BIRC6: variants seen among roughly 807,000 people sequenced by gnomAD.
BIRC6 encodes the protein baculoviral IAP repeat containing 6.
In BIRC6, 98 loss-of-function variants were observed where a neutral mutation model predicts 503.3. The observed-to-expected ratio is 0.19, with a 90% CI of 0.17 to 0.23. The LOEUF (loss-of-function observed/expected upper bound fraction) is 0.23. Among genes scored for constraint, BIRC6 ranks in the 10% least tolerant of loss-of-function variants. BIRC6 has a pLI of 1.00. For missense variants in BIRC6, 5,360 were observed against 5,806.0 expected (o/e 0.92, Z 2.50); for synonymous variants, 2,240 against 2,078.7 (o/e 1.08, Z -2.11).
chr2:32,603,910 T>G (rs1012345102), intron 71 of BIRC6, among the ~76,000 whole-genome samples: 11 of 151,602 alleles, frequency 7.3e-5, no homozygotes, highest in Admixed American at 5.9e-4. Flanking sequence ...TGTATGTTTT[T>G]ATGTTAATTA....
chr2:32,459,134 A>G (rs1295597063), intron 23 of BIRC6, among the ~76,000 whole-genome samples: 1 of 152,188 alleles, frequency 6.6e-6, no homozygotes, highest in African/African-American at 2.4e-5. Context: ...TATCACCACT[A>G]TCTAATTCTA....
At chr2:32,381,980 A>C (rs1413269602) in intron 3 of BIRC6, among the ~76,000 whole-genome samples, 1 of 152,056 alleles carries the variant, frequency 6.6e-6, no homozygotes, top group Non-Finnish European at 1.5e-5. Flanking sequence ...TACTCTATTG[A>C]TGGGGCATTT....
At chr2:32,509,349 A>C (rs1252863489) in intron 51 of BIRC6, among the ~76,000 whole-genome samples, 2 of 152,030 alleles carry the variant, frequency 1.3e-5, no homozygotes, top group Non-Finnish European at 2.9e-5. Context: ...CTGCCTCCCG[A>C]GTTCAAATGA....
intron 61 of BIRC6, among the ~76,000 whole-genome samples, chr2:32,538,697 G>A (rs777377875): frequency 1.2e-4 from 19 of 152,178 alleles, no homozygotes; most frequent in Non-Finnish European, 2.1e-4. Context: ...TTGGGAGGCC[G>A]AGGCAGGCAG....
Position 32,388,931 on chromosome 2 carries a change from G to T in BIRC6, c.827G>T (p.Arg276Leu). Reference protein sequence around the residue: ...ARPELGVGPGRSVDRSLMYSE... With the variant: ...ARPELGVGPGLSVDRSLMYSE... ...CCAGAACTCGGAGTGGGGCCAGGCC[G>T]TTCTGTAGACAGGTATGAACCTTGC... The change falls in exon 4 of 74, where the codon CGT (arginine) becomes CTT (leucine). Residue 276 changes from arginine to leucine, a missense_variant. Physicochemically the swap from Arg to Leu is moderately radical, Grantham distance 102. Transcript: ENST00000421745. 2.5e-6 allele frequency: 4 copies of T among 1,587,374 alleles called. No individual in the cohort carries two copies. Among genetic ancestry groups the T allele is most frequent in the Non-Finnish European group, 3.4e-6 (4 of 1,167,476 alleles).
At position 32,406,521 on chromosome 2, in the gene BIRC6, G is replaced by C. The variant is rs780370959; in HGVS notation, c.1441G>C (p.Asp481His). ...GDSDDLLEDS[D>H]SEEHSRSDSV... ...AAGTGATGATTTACTGGAGGATTCA[G>C]ACAGTGAAGAGCATTCCAGATCAGA... The change falls in exon 9 of 74, where the codon GAC becomes CAC. Residue 481 changes from aspartate to histidine, a missense_variant. Physicochemically the swap from Asp to His is moderately conservative, Grantham distance 81 (BLOSUM62 -1). Around this residue, in one of 16 missense-constraint regions of BIRC6, gnomAD observed 700 missense variants for 739.3 expected, o/e 0.95. Coordinates refer to ENST00000421745, the MANE Select transcript of BIRC6 (RefSeq NM_016252.4). 5.0e-6 allele frequency: 8 copies of C among 1,610,480 alleles called. No individual in the cohort carries two copies. The highest frequency in any genetic ancestry group is 5.9e-6 in the Non-Finnish European group (7 of 1,177,736).
At position 32,414,776 on chromosome 2, in the gene BIRC6, A is replaced by C. The variant is rs747909649; in HGVS notation, c.1485A>C (p.Thr495=). Reference sequence around the variant, plus strand: ...TATTGTTCCTTTTTAAAGGGCATACATCACAGAAGGAAGCCATGGAAGTAA... The same window carrying C: ...TATTGTTCCTTTTTAAAGGGCATACCTCACAGAAGGAAGCCATGGAAGTAA... ...HSRSDSVTGH[T]SQKEAMEVSL... is the part of the protein sequence containing the mutation. Residue 495 remains threonine (T), a synonymous_variant, in exon 10 of 74, where the codon ACA becomes ACC. Transcript: ENST00000421745. The C allele has an allele frequency of 2.5e-6, 4 of 1,611,208 alleles. No homozygotes were observed. In the African/African-American group the frequency reaches 4.0e-5, roughly 16 times the overall value.
chr2:32,430,747 T>A (rs1471397459), intron 11 of BIRC6, 118 bp from the exon 12 acceptor site: 4 of 699,744 alleles, frequency 5.7e-6, no homozygotes, highest in Non-Finnish European at 9.4e-6. Context: ...TTCAGAATAT[T>A]TGGCAAGTGT....
chr2:32,479,415 C>T (rs545811524), intron 36 of BIRC6, 47 bp from the exon 37 acceptor site: 29 of 1,520,674 alleles, frequency 1.9e-5, no homozygotes, highest in Middle Eastern at 3.4e-4. Context: ...AATACATTTT[C>T]GAAATCTGTA....
chr2:32,483,456 G>A lies in BIRC6; in HGVS notation c.7696+874G>A, dbSNP rs2050644465. 2.0e-5 allele frequency among the ~76,000 whole-genome samples: 3 copies of A among 152,052 alleles called. 1 individual carries two copies. In the South Asian group the frequency reaches 6.2e-4, roughly 31 times the overall value. On this transcript the variant is annotated intron_variant, in intron 39 of 73. Coordinates refer to ENST00000421745, the MANE Select transcript of BIRC6 (RefSeq NM_016252.4). ...TGTTTTGTTTTGTTTTACAAATCAG[G>A]ACATTCTTCCATATATACATATCAA...
chr2:32,611,778 C>G (rs1479970444), intron 73 of BIRC6, among the ~76,000 whole-genome samples, 196 bp downstream of exon 73: 3 of 152,084 alleles, frequency 2.0e-5, no homozygotes, highest in Non-Finnish European at 4.4e-5. Flanking sequence ...TTGACAGTTC[C>G]TAAAATAAAA....
chr2:32,510,438 T>A, intron 52 of BIRC6, 88 bp from the exon 53 acceptor site: 2 of 796,228 alleles, frequency 2.5e-6, no homozygotes, highest in South Asian at 1.6e-5. Context: ...GCCTCATTTT[T>A]AATGAATAAC....
intron 66 of BIRC6, 133 bp from the exon 67 acceptor site, chr2:32,593,782 A>C (rs927407539): frequency 1.9e-5 from 14 of 746,356 alleles, no homozygotes; most frequent in Non-Finnish European, 2.7e-5. Flanking sequence ...CAGTGGCTTC[A>C]AAAGCAAGTT....
chr2:32,562,436 T>C (rs1168938258), intron 65 of BIRC6, among the ~76,000 whole-genome samples: 1 of 152,248 alleles, frequency 6.6e-6, no homozygotes, highest in Non-Finnish European at 1.5e-5. Context: ...GATGAACTAA[T>C]AGTGGTATGT....
chr2:32,401,929 T>G (rs1188899629), intron 8 of BIRC6, among the ~76,000 whole-genome samples: 1 of 152,176 alleles, frequency 6.6e-6, no homozygotes, highest in Admixed American at 6.5e-5. Flanking sequence ...GAAATGAAAT[T>G]CTATTGTAGT....
chr2:32,363,557 T>C (rs2034437335), intron 1 of BIRC6, among the ~76,000 whole-genome samples: 1 of 152,192 alleles, frequency 6.6e-6, no homozygotes, highest in African/African-American at 2.4e-5. Flanking sequence ...TCTTACTTCC[T>C]GAAATAATGC....
chr2:32,576,862 GATGAA>G (rs2060302896), intron 66 of BIRC6, among the ~76,000 whole-genome samples: 1 of 152,174 alleles, frequency 6.6e-6, no homozygotes, highest in African/African-American at 2.4e-5. Flanking sequence ...TTATAGAAAA[GATGAA>G]ATGAAGAGCC....
chr2:32,561,692 T>C (rs549181358), intron 65 of BIRC6, among the ~76,000 whole-genome samples: 22 of 150,652 alleles, frequency 1.5e-4, no homozygotes, highest in African/African-American at 5.1e-4. Flanking sequence ...TTATCTTTTA[T>C]GTTTATATGA....
intron 66 of BIRC6, among the ~76,000 whole-genome samples, chr2:32,593,076 T>C (rs1202567935): frequency 6.6e-6 from 1 of 152,250 alleles, no homozygotes; most frequent in Non-Finnish European, 1.5e-5. Context: ...TTAAACACTT[T>C]TATTTATATA....
Sources: allele counts gnomAD v4.1 joint callset (sites outside exome capture counted in the v4.1 genomes callset), GRCh38; gene constraint gnomAD v4.1.1; regional missense constraint gnomAD v4.1.1; transcripts MANE v1.5; gene names NCBI Gene and HGNC (gene_info 2026-07-23, HGNC 2026-07-21).